The following TENM4 variants were observed in gnomAD, a reference collection of about 807,000 sequenced individuals.
The protein encoded by TENM4 is teneurin-4.
In TENM4, 82 loss-of-function variants were observed where a neutral mutation model predicts 243.3. The observed-to-expected ratio is 0.34, with a 90% CI of 0.28 to 0.40. TENM4 has a LOEUF of 0.40. Among genes scored for constraint, TENM4 ranks in the 10% least tolerant of loss-of-function variants. The probability of loss-of-function intolerance (pLI) is 1.00; values close to 1 mark genes in which losing one functional copy is unlikely to be tolerated. For synonymous variants in TENM4, 1,412 were observed against 1,456.3 expected (o/e 0.97, Z 0.69); for missense variants, 3,138 against 3,673.3 (o/e 0.85, Z 3.77).
At chr11:78,829,582 G>C (rs1305663081) in intron 12 of TENM4, among the ~76,000 whole-genome samples, 1 of 152,172 alleles carries the variant, frequency 6.6e-6, no homozygotes, top group Non-Finnish European at 1.5e-5. Flanking sequence ...TGGTATAATG[G>C]AGAATGCACC....
In TENM4 at chr11:78,670,246, G is replaced by T; in HGVS notation, c.6099C>A (p.Thr2033=). 6.2e-7 allele frequency: 1 copy of T among 1,613,956 alleles called. No homozygotes were observed. The highest frequency in any genetic ancestry group is 8.5e-7 in the Non-Finnish European group (1 of 1,179,888). ...TCAGCATGCCTGCCGTCTCGTCATA[G>T]GTGAAACTGACCTTGGTGGTGTCAT... ...TLYDTTKVSF[T]YDETAGMLKT... The change falls in exon 32 of 34, where the codon ACC becomes ACA. Residue 2033 remains threonine (T), a synonymous_variant. Coordinates refer to ENST00000278550, the MANE Select transcript of TENM4 (RefSeq NM_001098816.3).
intron 6 of TENM4, among the ~76,000 whole-genome samples, chr11:78,952,850 T>C (rs1194567885): frequency 6.6e-6 from 1 of 152,102 alleles, no homozygotes; most frequent in African/African-American, 2.4e-5. Context: ...GTAAGAGAGG[T>C]AAGCTTGGTG....
At chr11:78,695,840 T>C (rs1158251171) in intron 28 of TENM4, among the ~76,000 whole-genome samples, 2 of 139,796 alleles carry the variant, frequency 1.4e-5, no homozygotes, top group Non-Finnish European at 3.0e-5. Context: ...CATTTGAATA[T>C]ATGGCTAGAA....
intron 6 of TENM4, among the ~76,000 whole-genome samples, chr11:78,997,060 G>T (rs1858193604): frequency 6.6e-6 from 1 of 152,022 alleles, no homozygotes; most frequent in Admixed American, 6.5e-5. Flanking sequence ...GGGGTAGGGT[G>T]GGTGTAGGAA....
chr11:79,310,897 G>A (rs1856708631), intron 1 of TENM4, among the ~76,000 whole-genome samples: 1 of 152,130 alleles, frequency 6.6e-6, no homozygotes, highest in Admixed American at 6.5e-5. Flanking sequence ...GCAACTAAGT[G>A]GGTAGGAGAG....
chr11:79,304,472 A>T (rs186765530), intron 1 of TENM4, among the ~76,000 whole-genome samples: 204 of 152,302 alleles, frequency 1.3e-3, no homozygotes, highest in Non-Finnish European at 2.2e-3. Context: ...CAGCTTTATC[A>T]TTAATTATCA....
At chr11:79,131,901 C>A (rs990135005) in intron 4 of TENM4, among the ~76,000 whole-genome samples, 7 of 151,994 alleles carry the variant, frequency 4.6e-5, no homozygotes, top group Admixed American at 2.0e-4. Context: ...TTATATCAGA[C>A]AAAACAAACT....
intron 6 of TENM4, among the ~76,000 whole-genome samples, chr11:79,046,634 G>A (rs901917534): frequency 2.0e-5 from 3 of 152,142 alleles, no homozygotes; most frequent in African/African-American, 7.2e-5. Context: ...CACCATGCAG[G>A]GAGAATGAAA....
intron 3 of TENM4, among the ~76,000 whole-genome samples, chr11:79,164,514 CATACTATATAT>C (rs1231050408): frequency 1.0e-4 from 12 of 119,198 alleles, no homozygotes; most frequent in Non-Finnish European, 1.6e-4. Context: ...ATACACTATA[CATACTATATAT>C]ATACTATATA....
chr11:78,808,403 A>G (rs1369285070), intron 14 of TENM4, among the ~76,000 whole-genome samples: 1 of 152,226 alleles, frequency 6.6e-6, no homozygotes, highest in Non-Finnish European at 1.5e-5. Flanking sequence ...ATATTTTGCT[A>G]TTAAGCATTT....
At chr11:78,853,223 A>G (rs1179475774) in intron 12 of TENM4, among the ~76,000 whole-genome samples, 1 of 151,982 alleles carries the variant, frequency 6.6e-6, no homozygotes, top group African/African-American at 2.4e-5. Context: ...CATAACTTTT[A>G]TTTTCCTGTA....
intron 6 of TENM4, among the ~76,000 whole-genome samples, chr11:78,967,721 C>A (rs571352426): frequency 1.3e-5 from 2 of 152,258 alleles, no homozygotes; most frequent in East Asian, 1.9e-4. Flanking sequence ...TGAAGGGAAC[C>A]TGGCATTGCA....
intron 19 of TENM4, among the ~76,000 whole-genome samples, chr11:78,754,806 C>T (rs1856268467): frequency 6.6e-6 from 1 of 152,204 alleles, no homozygotes; most frequent in South Asian, 2.1e-4. Flanking sequence ...CTTAACCTCT[C>T]AGCTTCTCAG....
chr11:79,190,784 C>T (rs1480800279), intron 3 of TENM4, among the ~76,000 whole-genome samples: 1 of 138,196 alleles, frequency 7.2e-6, no homozygotes. Context: ...CTCCCTCTCC[C>T]GTCTCCCTCT....
intron 7 of TENM4, among the ~76,000 whole-genome samples, chr11:78,898,004 A>C (rs1465548185): frequency 6.6e-6 from 1 of 152,230 alleles, no homozygotes; most frequent in Admixed American, 6.5e-5. Context: ...CTGATGGGTT[A>C]TTAATCAGAC....
chr11:78,842,998 G>T (rs1364320680), intron 12 of TENM4, among the ~76,000 whole-genome samples: 1 of 151,986 alleles, frequency 6.6e-6, no homozygotes, highest in East Asian at 1.9e-4. Flanking sequence ...ACATAGAGAG[G>T]CCAGGCATAG....
intron 6 of TENM4, among the ~76,000 whole-genome samples, chr11:79,005,635 A>G (rs1345282934): frequency 6.6e-6 from 1 of 152,180 alleles, no homozygotes; most frequent in African/African-American, 2.4e-5. Flanking sequence ...TGACAAACCC[A>G]TTACACTGAA....
At chr11:79,106,533 A>G (rs145982783) in intron 4 of TENM4, among the ~76,000 whole-genome samples, 1 of 152,368 alleles carries the variant, frequency 6.6e-6, no homozygotes, top group Non-Finnish European at 1.5e-5. Context: ...GAAAGAGCTA[A>G]GCAGTGCCTG....
rs117224776 is a variant in TENM4 at position 79,150,527 on chromosome 11, C to T, written c.-162-1721G>A. Among the ~76,000 whole-genome samples the T allele has an allele frequency of 5.1e-3, 775 of 152,290 alleles. 6 individuals carry two copies. Among genetic ancestry groups the T allele is most frequent in the Admixed American group, 8.2e-3 (126 of 15,292 alleles). ...TTTCCTGAAAGAGTCATCTAGACCACCACTTCCTCCACTCCCACACTCTTC... is the reference window on the plus strand; with the variant it reads ...TTTCCTGAAAGAGTCATCTAGACCATCACTTCCTCCACTCCCACACTCTTC... On this transcript the variant is annotated intron_variant, in intron 3 of 33. Coordinates refer to ENST00000278550, the MANE Select transcript of TENM4 (RefSeq NM_001098816.3).
Sources: allele counts gnomAD v4.1 joint callset (sites outside exome capture counted in the v4.1 genomes callset), GRCh38; gene constraint gnomAD v4.1.1; transcripts MANE v1.5; gene names NCBI Gene and HGNC (gene_info 2026-07-23, HGNC 2026-07-21).